SSX2IP: variants seen among roughly 807,000 people sequenced by gnomAD.
The protein encoded by SSX2IP is SSX family member 2 interacting protein, also known as afadin- and alpha-actinin-binding protein.
A neutral mutation model predicts 84.9 loss-of-function variants in SSX2IP; 55 were observed. The observed-to-expected ratio is 0.65, with a 90% CI of 0.52 to 0.81. SSX2IP has a LOEUF of 0.81. Ranked by LOEUF, SSX2IP falls within the 30% of genes least tolerant of loss-of-function variation. The pLI, the probability that SSX2IP is intolerant of heterozygous loss-of-function variation, is 0.00. For missense variants in SSX2IP, 664 were observed against 705.2 expected (o/e 0.94, Z 0.66); for synonymous variants, 239 against 234.7 (o/e 1.02, Z -0.17).
chr1:84,675,527 C>T (rs1654201866), intron 1 of SSX2IP, among the ~76,000 whole-genome samples: 1 of 152,164 alleles, frequency 6.6e-6, no homozygotes, highest in African/African-American at 2.4e-5. Flanking sequence ...GATTAAAAAG[C>T]TACATTTGTC....
chr1:84,664,343 A>G, intron 6 of SSX2IP, 74 bp downstream of exon 6: 1 of 1,335,914 alleles, frequency 7.5e-7, no homozygotes, highest in South Asian at 1.9e-5. Flanking sequence ...TACTGTGTTC[A>G]ATCCTTTTAC....
chr1:84,657,832 T>C (rs1162653097), intron 9 of SSX2IP, among the ~76,000 whole-genome samples: 1 of 152,194 alleles, frequency 6.6e-6, no homozygotes. Context: ...ACCTCACATC[T>C]AAATGTATGT....
chr1:84,652,399 G>A (rs935270398), intron 11 of SSX2IP: 1 of 125,118 alleles, frequency 8.0e-6, no homozygotes, highest in Non-Finnish European at 1.6e-5. Context: ...CTCTAGCCTA[G>A]GTGACACGGC....
rs376308799 is a variant in SSX2IP at position 84,671,253 on chromosome 1, A to G, written c.-34T>C. 3.1e-6 allele frequency: 5 copies of G among 1,604,694 alleles called. No homozygotes were observed. In the African/African-American group the frequency reaches 4.0e-5, roughly 13 times the overall value. On this transcript the variant is annotated 5_prime_UTR_variant, in exon 2 of 14. Transcript: ENST00000342203. ...CTAGAGCCAGGATACCTGAGGAACT[A>G]GTTCAGCAGTTAAACATTTAGTCTA... is the stretch of plus-strand genomic sequence containing the variant.
chr1:84,688,453 A>G (rs1656097910), intron 1 of SSX2IP, among the ~76,000 whole-genome samples: 1 of 152,236 alleles, frequency 6.6e-6, no homozygotes, highest in African/African-American at 2.4e-5. Flanking sequence ...AAGCATGTTA[A>G]ATGAATTAAA....
chr1:84,676,564 T>C (rs60349362), intron 1 of SSX2IP, among the ~76,000 whole-genome samples: 163 of 152,218 alleles, frequency 1.1e-3, no homozygotes, highest in African/African-American at 3.4e-3. Flanking sequence ...AGCTTAAATC[T>C]ATCATTCCTC....
chr1:84,674,047 GAGATA>G (rs1428381666), intron 1 of SSX2IP, among the ~76,000 whole-genome samples: 4 of 152,132 alleles, frequency 2.6e-5, no homozygotes, highest in Non-Finnish European at 5.9e-5. Flanking sequence ...CTAGCTTTCT[GAGATA>G]ATCACTATAA....
chr1:84,680,592 T>C (rs1654940732), intron 1 of SSX2IP, among the ~76,000 whole-genome samples: 1 of 152,290 alleles, frequency 6.6e-6, no homozygotes, highest in Non-Finnish European at 1.5e-5. Flanking sequence ...CATGATATTT[T>C]GTTAAGTAAT....
At chr1:84,676,719 C>CTTTTT (rs61017474) in intron 1 of SSX2IP, among the ~76,000 whole-genome samples, 14,223 of 99,118 alleles carry the variant, frequency 0.14, 1,895 homozygotes, top group African/African-American at 0.22. Context: ...TGCTCTTTTC[C>CTTTTT]TTTTTTTTTT....
intron 5 of SSX2IP, among the ~76,000 whole-genome samples, chr1:84,664,831 T>C (rs1316903653): frequency 2.6e-5 from 4 of 152,182 alleles, no homozygotes; most frequent in African/African-American, 9.6e-5. Context: ...TATGGAAGTA[T>C]TAAAACGATT....
intron 13 of SSX2IP, among the ~76,000 whole-genome samples, chr1:84,649,345 G>A (rs1317381916): frequency 6.6e-6 from 1 of 152,084 alleles, no homozygotes; most frequent in Non-Finnish European, 1.5e-5. Context: ...CCACCCTCAG[G>A]GTTCCTACAC....
chr1:84,687,109 C>T (rs1429236470), intron 1 of SSX2IP, among the ~76,000 whole-genome samples: 2 of 152,146 alleles, frequency 1.3e-5, no homozygotes, highest in African/African-American at 4.8e-5. Flanking sequence ...GGATACTAAC[C>T]TATTTTTCTA....
intron 13 of SSX2IP, 55 bp from the exon 14 acceptor site, chr1:84,647,662 T>G (rs1649639982): frequency 1.0e-5 from 14 of 1,343,080 alleles, no homozygotes; most frequent in Non-Finnish European, 1.3e-5. Flanking sequence ...CTTTTGTACT[T>G]TAACCTCATA....
At chr1:84,658,871 C>T (rs1049331897) in intron 8 of SSX2IP, among the ~76,000 whole-genome samples, 1 of 152,172 alleles carries the variant, frequency 6.6e-6, no homozygotes, top group African/African-American at 2.4e-5. Flanking sequence ...GTTTCTAATC[C>T]TAGGCTGCTT....
intron 1 of SSX2IP, among the ~76,000 whole-genome samples, chr1:84,677,079 C>T (rs940582253): frequency 2.6e-5 from 4 of 152,132 alleles, no homozygotes; most frequent in African/African-American, 4.8e-5. Context: ...AAATCTCTAT[C>T]GTGCATGCAC....
chr1:84,673,562 C>T (rs1180723869), intron 1 of SSX2IP, among the ~76,000 whole-genome samples: 3 of 152,116 alleles, frequency 2.0e-5, no homozygotes, highest in Non-Finnish European at 4.4e-5. Flanking sequence ...ATTACTGTGG[C>T]TACTCTGTGA....
At chr1:84,655,575 A>G (rs1334578632) in intron 11 of SSX2IP, 2 of 1,426,384 alleles carry the variant, frequency 1.4e-6, no homozygotes, top group Admixed American at 2.1e-5. Flanking sequence ...AACACTTAGC[A>G]GGAGAAAGCC....
At chr1:84,661,507 T>C (rs1172856807) in intron 8 of SSX2IP, among the ~76,000 whole-genome samples, 1 of 152,226 alleles carries the variant, frequency 6.6e-6, no homozygotes, top group East Asian at 1.9e-4. Context: ...TATTCTGTTC[T>C]GCACATTGTA....
chr1:84,689,548 G>C (rs1431785683), intron 1 of SSX2IP, among the ~76,000 whole-genome samples: 1 of 152,226 alleles, frequency 6.6e-6, no homozygotes, highest in Non-Finnish European at 1.5e-5. Flanking sequence ...AACTTTATCA[G>C]CGTTGCTAGT....
Sources: gnomAD v4.1 joint callset for allele counts (sites outside exome capture counted in the v4.1 genomes callset) on GRCh38, gnomAD v4.1.1 for gene constraint, MANE v1.5 for transcripts, NCBI Gene and HGNC (gene_info 2026-07-23, HGNC 2026-07-21) for gene names.